Variants in SEMA5A observed in about 807,000 individuals in gnomAD.
SEMA5A encodes the protein semaphorin 5A, also known as semaphorin-5A.
Under a neutral mutation model 135.5 loss-of-function variants are expected in SEMA5A, and 55 were observed. The observed-to-expected ratio is 0.41, with a 90% CI of 0.33 to 0.51. The LOEUF (loss-of-function observed/expected upper bound fraction) is 0.51, where lower values mean the gene tolerates loss of function less well. SEMA5A is among the 20% of genes least tolerant of loss of function. The probability of loss-of-function intolerance (pLI) is 0.37; values close to 1 mark genes in which losing one functional copy is unlikely to be tolerated. For synonymous variants in SEMA5A, 580 were observed against 546.5 expected (o/e 1.06, Z -0.85); for missense variants, 1,290 against 1,419.9 (o/e 0.91, Z 1.47).
rs143924134 is a variant in SEMA5A, at chr5:9,050,204, C to T, written c.2893+206G>A. Among the ~76,000 whole-genome samples, 540 of 152,242 alleles carry T rather than the reference C, an allele frequency of 3.5e-3. 1 individual carries two copies. Among genetic ancestry groups the T allele is most frequent in the Non-Finnish European group, 5.1e-3 (344 of 68,010 alleles). ...AGGCCATGCCCTGGACGTGGGTCTACGCACCCCATTTTGAGAACCACCGAT... is the reference window on the plus strand; with the variant it reads ...AGGCCATGCCCTGGACGTGGGTCTATGCACCCCATTTTGAGAACCACCGAT... On this transcript the variant is annotated intron_variant, in intron 21 of 22. Coordinates refer to ENST00000382496, the MANE Select transcript of SEMA5A (RefSeq NM_003966.3).
In SEMA5A at chr5:9,082,466, C is replaced by T. The variant is rs35115522; in HGVS notation, c.2074-15820G>A. Among the ~76,000 whole-genome samples the T allele has an allele frequency of 8.7e-3, 1,326 of 152,210 alleles. 9 individuals carry two copies. The highest frequency in any genetic ancestry group is 0.014 in the Non-Finnish European group (931 of 68,014). ...TTTCTTCTCTGAGTTCACTCAGAAG[C>T]GGGCTAATCAGTCTAAACTGTGATG... is the stretch of plus-strand genomic sequence containing the variant. On this transcript the variant is annotated intron_variant, in intron 16 of 22. Transcript: ENST00000382496.
intron 15 of SEMA5A, among the ~76,000 whole-genome samples, chr5:9,110,028 A>AGCTGAGGGGT (rs1161812049): frequency 6.6e-6 from 1 of 152,168 alleles, no homozygotes; most frequent in Admixed American, 6.5e-5. Flanking sequence ...AGCAAGGCCA[A>AGCTGAGGGGT]GCTGAGGGGT....
chr5:9,133,741 T>G (rs1579453502), intron 13 of SEMA5A, among the ~76,000 whole-genome samples: 1 of 151,904 alleles, frequency 6.6e-6, no homozygotes, highest in Admixed American at 6.6e-5. Context: ...GTGACCATCC[T>G]CTCTTCACTT....
chr5:9,350,922 G>C (rs1017672043), intron 3 of SEMA5A, among the ~76,000 whole-genome samples: 1 of 152,194 alleles, frequency 6.6e-6, no homozygotes, highest in African/African-American at 2.4e-5. Flanking sequence ...AGTCCTTCTA[G>C]AAAATCATTG....
Position 9,039,749 on chromosome 5 carries a change from T to G in SEMA5A, c.*3148A>C, listed in dbSNP as rs114115657. On this transcript the variant is annotated 3_prime_UTR_variant, in exon 23 of 23. Coordinates refer to ENST00000382496, the MANE Select transcript of SEMA5A (RefSeq NM_003966.3). The stretch of plus-strand genomic sequence containing the variant: ...GAGCCTGACCACGTGCCCCCTGAGT[T>G]CCTTAGAATTCACTAAGTCCATATC... 1.2e-3 allele frequency: 186 copies of G among 152,290 alleles called. No individual in the cohort carries two copies. Among genetic ancestry groups the G allele is most frequent in the African/African-American group, 4.3e-3 (180 of 41,538 alleles). The allele number at this position is 152,290 out of a possible 1,614,324, so 9.4% of individuals were successfully genotyped here. A position where few individuals can be genotyped will look rare whatever the true frequency, so the allele number is the denominator to read the frequency against.
chr5:9,233,498 T>A (rs1323785210), intron 6 of SEMA5A, among the ~76,000 whole-genome samples: 1 of 151,958 alleles, frequency 6.6e-6, no homozygotes, highest in African/African-American at 2.4e-5. Flanking sequence ...TTTAAGCCAT[T>A]GCAGGCAAAG....
chr5:9,047,562 A>G (rs555417286), intron 21 of SEMA5A, among the ~76,000 whole-genome samples: 10 of 152,192 alleles, frequency 6.6e-5, no homozygotes, highest in African/African-American at 2.4e-4. Context: ...GTTGATTTTG[A>G]TCAGTAAAGA....
At chr5:9,468,336 C>G (rs963894281) in intron 1 of SEMA5A, among the ~76,000 whole-genome samples, 1 of 152,192 alleles carries the variant, frequency 6.6e-6, no homozygotes, top group African/African-American at 2.4e-5. Context: ...TTTGACAAAT[C>G]TTACCCAGAG....
At chr5:9,171,719 C>T (rs911864837) in intron 11 of SEMA5A, among the ~76,000 whole-genome samples, 1 of 152,034 alleles carries the variant, frequency 6.6e-6, no homozygotes, top group African/African-American at 2.4e-5. Context: ...TGAGAGGGAG[C>T]CGGGTTCCAA....
chr5:9,072,953 A>G (rs1225366835), intron 16 of SEMA5A, among the ~76,000 whole-genome samples: 2 of 152,186 alleles, frequency 1.3e-5, no homozygotes, highest in East Asian at 3.9e-4. Flanking sequence ...CAGCATCAAA[A>G]CAGTAATTAT....
intron 5 of SEMA5A, among the ~76,000 whole-genome samples, chr5:9,291,583 A>AGGAAAGAGAGAGAGAGAG (rs2150585428): frequency 6.9e-6 from 1 of 145,680 alleles, no homozygotes; most frequent in Non-Finnish European, 1.5e-5. Flanking sequence ...ATGTAGAAGC[A>AGGAAAGAGAGAGAGAGAG]GGAAAGAGAG....
intron 5 of SEMA5A, among the ~76,000 whole-genome samples, chr5:9,239,644 G>A (rs1748094463): frequency 6.6e-6 from 1 of 151,780 alleles, no homozygotes; most frequent in Admixed American, 6.6e-5. Flanking sequence ...AAACAGTATT[G>A]AGGACTGAAA....
chr5:9,309,709 G>A (rs945912813), intron 5 of SEMA5A, among the ~76,000 whole-genome samples: 2 of 152,098 alleles, frequency 1.3e-5, no homozygotes, highest in East Asian at 1.9e-4. Flanking sequence ...CTAGGAGGGC[G>A]CAGTTGTTTT....
At chr5:9,289,376 A>T (rs1296156390) in intron 5 of SEMA5A, among the ~76,000 whole-genome samples, 2 of 152,192 alleles carry the variant, frequency 1.3e-5, no homozygotes, top group African/African-American at 4.8e-5. Context: ...TAGTTTAAAA[A>T]CTTCTATAAC....
chr5:9,537,065 A>G (rs1033774286), intron 1 of SEMA5A, among the ~76,000 whole-genome samples: 1 of 152,192 alleles, frequency 6.6e-6, no homozygotes, highest in African/African-American at 2.4e-5. Flanking sequence ...CTTTTCAAAA[A>G]AGAAAATGGT....
intron 2 of SEMA5A, among the ~76,000 whole-genome samples, chr5:9,417,222 T>G (rs1192559844): frequency 2.0e-5 from 3 of 152,222 alleles, no homozygotes; most frequent in Non-Finnish European, 4.4e-5. Context: ...CTAGAATAAA[T>G]AAAACCAGTT....
chr5:9,108,357 C>T (rs1327518613), intron 15 of SEMA5A, 70 bp from the exon 16 acceptor site: 13 of 1,561,174 alleles, frequency 8.3e-6, no homozygotes, highest in South Asian at 1.2e-5. Context: ...GTTTCCATCT[C>T]CATCCCTGCA....
chr5:9,445,818 T>A (rs1758413709), intron 1 of SEMA5A, among the ~76,000 whole-genome samples: 1 of 152,130 alleles, frequency 6.6e-6, no homozygotes, highest in Admixed American at 6.5e-5. Context: ...CACACCTGGG[T>A]CATTTAATCA....
At chr5:9,380,080 G>C (rs1755531668) in intron 2 of SEMA5A, 57 bp from the exon 3 acceptor site, 1 of 1,187,284 alleles carries the variant, frequency 8.4e-7, no homozygotes, top group African/African-American at 1.5e-5. Flanking sequence ...CTGGTGGGTG[G>C]TCTTCTGGTA....
Sources: allele counts gnomAD v4.1 joint callset (sites outside exome capture counted in the v4.1 genomes callset), GRCh38; gene constraint gnomAD v4.1.1; transcripts MANE v1.5; gene names NCBI Gene and HGNC (gene_info 2026-07-23, HGNC 2026-07-21).